The following TDRD9 variants were observed in gnomAD, a reference collection of about 807,000 sequenced individuals.
The protein encoded by TDRD9 is tudor domain containing 9, also known as ATP-dependent RNA helicase TDRD9.
Under a neutral mutation model 172.6 loss-of-function variants are expected in TDRD9, and 124 were observed. The observed-to-expected ratio is 0.72, with a 90% CI of 0.62 to 0.83. The LOEUF is 0.83. Ranked by LOEUF, TDRD9 falls within the 40% of genes least tolerant of loss-of-function variation. TDRD9 has a pLI of 0.00. For synonymous variants in TDRD9, 619 were observed against 617.1 expected (o/e 1.00, Z -0.05); for missense variants, 1,479 against 1,714.1 (o/e 0.86, Z 2.42).
chr14:104,002,986 C>T (rs2034313130), intron 13 of TDRD9, among the ~76,000 whole-genome samples: 3 of 152,112 alleles, frequency 2.0e-5, no homozygotes, highest in African/African-American at 7.2e-5. Flanking sequence ...GCCTCGGCCT[C>T]CCAAAGTGCT....
chr14:103,975,701 G>A (rs1256235332), intron 7 of TDRD9, 148 bp downstream of exon 7: 14 of 818,684 alleles, frequency 1.7e-5, no homozygotes, highest in East Asian at 2.8e-5. Context: ...ATGGAGTATA[G>A]TGTGGTATTT....
rs1403268320 is a variant in TDRD9 at position 104,016,070 on chromosome 14, CCCCA to C, written c.2314_2317del (p.Pro772ArgfsTer6). ...CGGTGAGGGAGCTGGCTGGCAAGGA[CCCCA>C]AGACAACTGTCGTGGTAGGTGCTGG... On this transcript the variant is annotated frameshift_variant, in exon 22 of 36. Coordinates refer to ENST00000409874, the MANE Select transcript of TDRD9 (RefSeq NM_153046.3). LOFTEE classifies it high-confidence loss of function. 2 of 1,602,838 alleles carry C rather than the reference CCCCA, an allele frequency of 1.2e-6. No individual in the cohort carries two copies. The highest frequency in any genetic ancestry group is 1.7e-5 in the Admixed American group (1 of 58,600).
intron 20 of TDRD9, 100 bp from the exon 21 acceptor site, chr14:104,014,625 T>C (rs1029606013): frequency 1.5e-6 from 1 of 662,098 alleles, no homozygotes; most frequent in Admixed American, 2.2e-5. Flanking sequence ...TCTGTAGCTG[T>C]GTTTATACTT....
chr14:104,033,951 G>GCACA lies in TDRD9; in HGVS notation c.3510-8_3510-7insACAC. 1 of 1,531,972 alleles carries GCACA rather than the reference G, an allele frequency of 6.5e-7. No individual in the cohort carries two copies. Among genetic ancestry groups the GCACA allele is most frequent in the East Asian group, 2.5e-5 (1 of 40,640 alleles). The allele number at this position is 1,531,972 out of a possible 1,614,324, so 94.9% of individuals were successfully genotyped here. A position where few individuals can be genotyped will look rare whatever the true frequency, so the allele number is the denominator to read the frequency against. On this transcript the variant is annotated splice_polypyrimidine_tract_variant and intron_variant, in intron 30 of 35. Transcript: ENST00000409874. ...AGTCACCCCATCTCCTGGTGCTCCT[G>GCACA]CCTTTTAGGTGTGTTTGGATTGAGA...
chr14:103,937,828 A>G (rs1335677667), intron 1 of TDRD9, among the ~76,000 whole-genome samples: 1 of 150,806 alleles, frequency 6.6e-6, no homozygotes, highest in South Asian at 2.1e-4. Context: ...AAAATTCTCT[A>G]TGACTTTGGT....
chr14:104,025,610 A>G lies in TDRD9; in HGVS notation c.2765A>G (p.Asn922Ser). 1 of 1,613,974 alleles carries G rather than the reference A, an allele frequency of 6.2e-7. No homozygotes were observed. Among genetic ancestry groups the G allele is most frequent in the East Asian group, 2.2e-5 (1 of 44,884 alleles). ...TGGGGATACAGGATTGATGAAAACA[A>G]CTCAGAGATTCTGAAAAAGCTTACT... ...HFWGYRIDEN[N>S]SEILKKLTAE... Residue 922 changes from asparagine (N) to serine (S), a missense_variant, in exon 26 of 36, where the codon AAC becomes AGC. Physicochemically the swap from Asn to Ser is conservative, Grantham distance 46 (BLOSUM62 1). This residue lies in a region of TDRD9 where 1,413 missense variants were observed against 1,649.1 expected (regional missense o/e 0.86). Transcript: ENST00000409874.
chr14:104,033,393 A>G (rs79095262), intron 30 of TDRD9, among the ~76,000 whole-genome samples: 4,358 of 152,300 alleles, frequency 0.029, 131 homozygotes, highest in African/African-American at 0.075. Context: ...GCTGTAACCC[A>G]GGGTGGGAAT....
At chr14:104,025,517 A>G (rs745311121) in intron 25 of TDRD9, 47 bp from the exon 26 acceptor site, 1 of 1,533,512 alleles carries the variant, frequency 6.5e-7, no homozygotes, top group South Asian at 1.1e-5. Flanking sequence ...TCCTCCTTAC[A>G]AAAGTCCTTT....
chr14:103,950,339 C>T (rs2031808479), intron 1 of TDRD9, among the ~76,000 whole-genome samples: 1 of 152,138 alleles, frequency 6.6e-6, no homozygotes, highest in Non-Finnish European at 1.5e-5. Flanking sequence ...ATCCAACTGC[C>T]TCAGCCTCCC....
At chr14:104,018,723 T>A (rs1450265755) in intron 23 of TDRD9, among the ~76,000 whole-genome samples, 4 of 152,258 alleles carry the variant, frequency 2.6e-5, no homozygotes, top group Non-Finnish European at 5.9e-5. Context: ...TAACAGGAAA[T>A]GTTTATGTAC....
intron 1 of TDRD9, among the ~76,000 whole-genome samples, chr14:103,936,757 C>A (rs567471239): frequency 1.2e-4 from 19 of 152,276 alleles, no homozygotes; most frequent in African/African-American, 4.6e-4. Flanking sequence ...AATCTAGCAC[C>A]TAGAAGAATG....
At chr14:103,965,182 AGGCTGG>A in intron 3 of TDRD9, 145 bp from the exon 4 acceptor site, 1 of 763,220 alleles carries the variant, frequency 1.3e-6, no homozygotes, top group Non-Finnish European at 2.1e-6. Flanking sequence ...CCTGCACTCC[AGGCTGG>A]GCAACAGAGC....
At chr14:104,047,074 G>A (rs2035803063) in intron 34 of TDRD9, among the ~76,000 whole-genome samples, 1 of 152,206 alleles carries the variant, frequency 6.6e-6, no homozygotes, top group Non-Finnish European at 1.5e-5. Context: ...GAACCTGTGA[G>A]TCAGTTTGGG....
chr14:103,987,012 G>A (rs1336461199), intron 8 of TDRD9, among the ~76,000 whole-genome samples: 1 of 152,158 alleles, frequency 6.6e-6, no homozygotes, highest in Non-Finnish European at 1.5e-5. Context: ...TACTCTGGAG[G>A]CTGAGGCAGA....
chr14:104,042,067 A>G lies in TDRD9; in HGVS notation c.3856-2A>G, dbSNP rs2035625610. 3.8e-6 allele frequency: 6 copies of G among 1,570,616 alleles called. No individual in the cohort carries two copies. Among genetic ancestry groups the G allele is most frequent in the Non-Finnish European group, 8.8e-7 (1 of 1,140,762 alleles). ...AGTGTTTATGTTGCTGTTCATTTACAGGTTAATATTCTCAGGGCTGCTATT... is the reference window on the plus strand; with the variant it reads ...AGTGTTTATGTTGCTGTTCATTTACGGGTTAATATTCTCAGGGCTGCTATT... On this transcript the variant is annotated splice_acceptor_variant, in intron 33 of 35. Transcript: ENST00000409874. LOFTEE classifies it high-confidence loss of function.
intron 19 of TDRD9, 92 bp downstream of exon 19, chr14:104,007,296 C>T (rs879570585): frequency 5.2e-5 from 64 of 1,242,218 alleles, no homozygotes; most frequent in Non-Finnish European, 7.0e-5. Flanking sequence ...TGAATCATGA[C>T]GGTGCCACCT....
chr14:103,947,220 C>T (rs942903149), intron 1 of TDRD9, among the ~76,000 whole-genome samples: 5 of 152,276 alleles, frequency 3.3e-5, no homozygotes, highest in African/African-American at 1.2e-4. Context: ...CAGAAATAAA[C>T]CCTCACATAC....
intron 20 of TDRD9, among the ~76,000 whole-genome samples, chr14:104,010,016 G>T (rs968826603): frequency 6.6e-6 from 1 of 151,416 alleles, no homozygotes; most frequent in African/African-American, 2.4e-5. Flanking sequence ...CACAGTCTCG[G>T]CTCACTGTAA....
Position 104,026,567 on chromosome 14 carries a change from T to C in TDRD9, c.3022-112T>C, listed in dbSNP as rs549908369. ...CCCAACATTAGTTTTATTGGGACTT[T>C]TATGAGAATATTATTGAAGGTACAT... On this transcript the variant is annotated intron_variant, in intron 27 of 35. Coordinates refer to ENST00000409874, the MANE Select transcript of TDRD9 (RefSeq NM_153046.3). 65 of 1,302,170 alleles carry C rather than the reference T, an allele frequency of 5.0e-5. 1 individual carries two copies. In the South Asian group the frequency reaches 6.0e-4, roughly 12 times the overall value. The allele number at this position is 1,302,170 out of a possible 1,614,324, so 80.7% of individuals were successfully genotyped here. A position where few individuals can be genotyped will look rare whatever the true frequency, so the allele number is the denominator to read the frequency against.
Sources: gnomAD v4.1 joint callset for allele counts (sites outside exome capture counted in the v4.1 genomes callset) on GRCh38, gnomAD v4.1.1 for gene constraint, gnomAD v4.1.1 regional missense constraint, MANE v1.5 for transcripts, NCBI Gene and HGNC (gene_info 2026-07-23, HGNC 2026-07-21) for gene names.